DLGAP1: variants seen among roughly 807,000 people sequenced by gnomAD.
The protein encoded by DLGAP1 is disks large-associated protein 1.
Under a neutral mutation model 90.8 loss-of-function variants are expected in DLGAP1, and 11 were observed. The observed-to-expected ratio is 0.12, with a 90% CI of 0.08 to 0.20. DLGAP1 has a LOEUF of 0.20. Ranked by LOEUF, DLGAP1 falls within the 10% of genes least tolerant of loss-of-function variation. The pLI is 1.00. For synonymous variants in DLGAP1, 558 were observed against 540.7 expected (o/e 1.03, Z -0.44); for missense variants, 1,050 against 1,333.8 (o/e 0.79, Z 3.31).
At chr18:4,339,996 C>T (rs2081154461) in intron 1 of DLGAP1, among the ~76,000 whole-genome samples, 4 of 152,150 alleles carry the variant, frequency 2.6e-5, no homozygotes, top group Admixed American at 1.3e-4. Flanking sequence ...TTGGTCTTCT[C>T]TTATCAATGG....
At chr18:4,048,114 G>T (rs755438229) in intron 2 of DLGAP1, among the ~76,000 whole-genome samples, 2 of 152,142 alleles carry the variant, frequency 1.3e-5, no homozygotes, top group Non-Finnish European at 2.9e-5. Context: ...ACTTCTTTTT[G>T]AATTAGAAGG....
At chr18:4,166,076 T>C (rs1013088855) in intron 1 of DLGAP1, among the ~76,000 whole-genome samples, 5 of 152,056 alleles carry the variant, frequency 3.3e-5, no homozygotes, top group Non-Finnish European at 7.4e-5. Context: ...GAAAGATCAC[T>C]TGAGTTCAGG....
chr18:4,218,239 T>C (rs2077999502), intron 1 of DLGAP1, among the ~76,000 whole-genome samples: 1 of 151,992 alleles, frequency 6.6e-6, no homozygotes, highest in Non-Finnish European at 1.5e-5. Context: ...GGGCTCTCTA[T>C]TCTGCTGTAT....
intron 1 of DLGAP1, among the ~76,000 whole-genome samples, chr18:4,360,468 G>A (rs1306217701): frequency 2.0e-5 from 3 of 152,196 alleles, no homozygotes; most frequent in African/African-American, 7.2e-5. Flanking sequence ...GAAAGTGAAA[G>A]TGAAGACTTT....
chr18:3,607,492 A>T (rs184353151), intron 7 of DLGAP1: 2 of 152,292 alleles, frequency 1.3e-5, no homozygotes, highest in East Asian at 3.9e-4. Flanking sequence ...ATTTTATATG[A>T]TTACCACATA....
chr18:3,939,691 G>T (rs73376526), intron 3 of DLGAP1, among the ~76,000 whole-genome samples: 22,974 of 151,980 alleles, frequency 0.15, 1,847 homozygotes, highest in Middle Eastern at 0.18. Flanking sequence ...TGGAGGCTGG[G>T]AGTGGAGGGG....
chr18:3,970,194 T>C (rs765015743), intron 3 of DLGAP1, among the ~76,000 whole-genome samples: 1 of 152,226 alleles, frequency 6.6e-6, no homozygotes, highest in Non-Finnish European at 1.5e-5. Context: ...TCTTCTTTCA[T>C]ATAAAAATAT....
chr18:4,025,117 G>C (rs776506614), intron 2 of DLGAP1, among the ~76,000 whole-genome samples: 19 of 152,170 alleles, frequency 1.2e-4, no homozygotes, highest in Admixed American at 8.5e-4. Context: ...GGAAAGACAA[G>C]TAGAGGAAAT....
chr18:3,922,453 GA>G (rs2148913611), intron 3 of DLGAP1, among the ~76,000 whole-genome samples: 1 of 152,226 alleles, frequency 6.6e-6, no homozygotes, highest in Non-Finnish European at 1.5e-5. Context: ...AGGGATAAAG[GA>G]AAAATAAAGC....
intron 7 of DLGAP1, among the ~76,000 whole-genome samples, chr18:3,604,926 GTA>G (rs2057256921): frequency 6.6e-6 from 1 of 152,188 alleles, no homozygotes; most frequent in Admixed American, 6.5e-5. Flanking sequence ...CCGGATCTGT[GTA>G]CATACTGGGC....
chr18:4,043,272 T>C (rs888054550), intron 2 of DLGAP1, among the ~76,000 whole-genome samples: 1 of 152,232 alleles, frequency 6.6e-6, no homozygotes, highest in African/African-American at 2.4e-5. Flanking sequence ...CTGGACCTTA[T>C]GCAAATGTAG....
intron 7 of DLGAP1, among the ~76,000 whole-genome samples, chr18:3,623,488 G>A (rs778034269): frequency 1.1e-4 from 17 of 152,102 alleles, no homozygotes; most frequent in African/African-American, 9.7e-5. Flanking sequence ...CTTCAAGGCC[G>A]TGTGAAAAGG....
At chr18:3,983,526 C>T (rs1447854055) in intron 3 of DLGAP1, 1 of 152,126 alleles carries the variant, frequency 6.6e-6, no homozygotes, top group African/African-American at 2.4e-5. Flanking sequence ...CAAAATGAGC[C>T]ATCTCAAGTA....
intron 1 of DLGAP1, among the ~76,000 whole-genome samples, chr18:4,327,967 C>T (rs1002772731): frequency 1.3e-5 from 2 of 151,292 alleles, no homozygotes; most frequent in African/African-American, 4.9e-5. Flanking sequence ...AAAGCAGAGC[C>T]TCCTAATATA....
chr18:4,222,848 A>G (rs2144984229), intron 1 of DLGAP1, among the ~76,000 whole-genome samples: 1 of 152,298 alleles, frequency 6.6e-6, no homozygotes, highest in Admixed American at 6.5e-5. Flanking sequence ...GAATAAAACC[A>G]TAATAATGTC....
intron 2 of DLGAP1, among the ~76,000 whole-genome samples, chr18:4,022,497 A>AT (rs1343247116): frequency 6.6e-6 from 1 of 152,104 alleles, no homozygotes; most frequent in Non-Finnish European, 1.5e-5. Context: ...ATACTGTGGC[A>AT]TAAGTATCTT....
rs781029133 is a variant in DLGAP1, at chr18:3,534,195, G to A, written c.2478C>T (p.Asp826=). ...REERENNLPE[D]ILGKIRTAVG... is the part of the protein sequence containing the mutation. The stretch of plus-strand genomic sequence containing the variant: ...GTGGCACGTGGTGGCATTACTTACT[G>A]TCTTCGGGCAGGTTGTTTTCCCGTT... Residue 826 remains aspartate, a splice_region_variant and synonymous_variant, in exon 10 of 13, where the codon GAC becomes GAT. Transcript: ENST00000315677. 1 of 1,612,290 alleles carries A rather than the reference G, an allele frequency of 6.2e-7. No homozygotes were observed. Among genetic ancestry groups the A allele is most frequent in the Admixed American group, 1.7e-5 (1 of 59,952 alleles).
chr18:4,380,705 T>C (rs1394017881), intron 1 of DLGAP1, among the ~76,000 whole-genome samples: 1 of 152,174 alleles, frequency 6.6e-6, no homozygotes, highest in Non-Finnish European at 1.5e-5. Context: ...GCCATATCAT[T>C]AATATGTTTC....
intron 5 of DLGAP1, among the ~76,000 whole-genome samples, chr18:3,760,277 G>C (rs2063906125): frequency 6.6e-6 from 1 of 152,156 alleles, no homozygotes; most frequent in Non-Finnish European, 1.5e-5. Context: ...ACTGCGGAAG[G>C]AAGACAGGAG....
Sources: gnomAD v4.1 joint callset for allele counts (sites outside exome capture counted in the v4.1 genomes callset) on GRCh38, gnomAD v4.1.1 for gene constraint, MANE v1.5 for transcripts, NCBI Gene and HGNC (gene_info 2026-07-23, HGNC 2026-07-21) for gene names.